MTUS2: variants seen among roughly 807,000 people sequenced by gnomAD.
MTUS2 encodes microtubule associated scaffold protein 2.
In MTUS2, 40 loss-of-function variants were observed where a neutral mutation model predicts 114.1. The ratio of observed to expected loss-of-function variants is 0.35; its 90% CI spans 0.27 to 0.46. The LOEUF is 0.46. MTUS2 is among the 20% of genes least tolerant of loss of function. MTUS2 has a pLI of 1.00. For missense variants in MTUS2, 1,679 were observed against 1,705.4 expected (o/e 0.98, Z 0.27); for synonymous variants, 688 against 672.0 (o/e 1.02, Z -0.37).
chr13:29,178,058 G>A (rs1251720120), intron 5 of MTUS2, among the ~76,000 whole-genome samples: 1 of 152,160 alleles, frequency 6.6e-6, no homozygotes, highest in Admixed American at 6.5e-5. Context: ...CAGTGCCCCG[G>A]TGGTTGGCTG....
intron 8 of MTUS2, among the ~76,000 whole-genome samples, chr13:29,419,360 G>A (rs147691470): frequency 8.1e-4 from 123 of 152,284 alleles, no homozygotes; most frequent in African/African-American, 2.9e-3. Flanking sequence ...AATCCCCTCA[G>A]AACAGAGGTG....
intron 5 of MTUS2, chr13:29,239,963 A>G (rs562323798): frequency 2.2e-5 from 3 of 137,716 alleles, no homozygotes; most frequent in East Asian, 2.6e-4. Flanking sequence ...GAAAATCTGG[A>G]AAAAAAACAA....
chr13:28,919,128 A>G (rs1349814598), intron 2 of MTUS2, among the ~76,000 whole-genome samples: 1 of 152,106 alleles, frequency 6.6e-6, no homozygotes, highest in African/African-American at 2.4e-5. Context: ...GAGTGTTAAA[A>G]TATTCTATGT....
chr13:29,065,912 A>ACC (rs368476054), intron 4 of MTUS2, among the ~76,000 whole-genome samples: 3 of 146,566 alleles, frequency 2.0e-5, no homozygotes, highest in Admixed American at 6.8e-5. Flanking sequence ...ACAAATTCAA[A>ACC]CCCCCCCCCA....
rs1436724251 is a variant in MTUS2 at position 29,498,522 on chromosome 13, T to C, written c.3783T>C (p.Leu1261=). 6.2e-7 allele frequency: 1 copy of C among 1,613,820 alleles called. No homozygotes were observed. The highest frequency in any genetic ancestry group is 1.3e-5 in the African/African-American group (1 of 74,918). Residue 1261 remains leucine, a synonymous_variant, in exon 14 of 16, where the codon CTT becomes CTC. Coordinates refer to ENST00000612955, the MANE Select transcript of MTUS2 (RefSeq NM_001033602.4). ...TACACGAGCAAGAAAAGAAGATTCT[T>C]GAGCTGGAAAAGCTGGTGAGTTGGT... ...QQIHEQEKKI[L]ELEKLAEKNI... is the part of the protein sequence containing the mutation.
chr13:29,438,436 C>G (rs981997914), intron 8 of MTUS2, among the ~76,000 whole-genome samples: 4 of 152,094 alleles, frequency 2.6e-5, no homozygotes, highest in Non-Finnish European at 5.9e-5. Context: ...CTGGGAAGCC[C>G]AAGATCTAGG....
chr13:29,460,728 A>C (rs1208139780), intron 9 of MTUS2, among the ~76,000 whole-genome samples: 1 of 152,212 alleles, frequency 6.6e-6, no homozygotes. Context: ...GGCCAGATGC[A>C]GACACACAAG....
At chr13:28,974,755 TAAGAGG>T (rs1884012897) in intron 2 of MTUS2, among the ~76,000 whole-genome samples, 1 of 152,162 alleles carries the variant, frequency 6.6e-6, no homozygotes, top group African/African-American at 2.4e-5. Context: ...GGGCTAATAG[TAAGAGG>T]AAATTTCTGC....
chr13:29,160,648 T>C (rs1001503324), intron 5 of MTUS2, among the ~76,000 whole-genome samples: 1 of 152,000 alleles, frequency 6.6e-6, no homozygotes, highest in African/African-American at 2.4e-5. Flanking sequence ...TGGATGCCTG[T>C]AGTCCCAGCT....
chr13:29,039,290 A>C (rs1314262328), intron 4 of MTUS2, among the ~76,000 whole-genome samples: 2 of 152,208 alleles, frequency 1.3e-5, no homozygotes, highest in East Asian at 3.9e-4. Flanking sequence ...TTCCCTTAGA[A>C]ATTCGGCTTC....
chr13:29,238,851 G>A (rs998546656), intron 5 of MTUS2, among the ~76,000 whole-genome samples: 2 of 152,274 alleles, frequency 1.3e-5, no homozygotes, highest in African/African-American at 4.8e-5. Context: ...AAATAAGCCA[G>A]ACACATGTGA....
At chr13:29,208,613 G>A (rs1053850750) in intron 5 of MTUS2, among the ~76,000 whole-genome samples, 3 of 151,950 alleles carry the variant, frequency 2.0e-5, no homozygotes, top group Admixed American at 6.6e-5. Context: ...TATCCGAAAG[G>A]TTTTAATAGG....
At chr13:29,230,447 C>G (rs1191413437) in intron 5 of MTUS2, among the ~76,000 whole-genome samples, 9 of 152,222 alleles carry the variant, frequency 5.9e-5, no homozygotes, top group Admixed American at 4.6e-4. Context: ...GGAGAAAAAT[C>G]AGCAGCGAAG....
chr13:28,919,201 G>A (rs997496737), intron 2 of MTUS2, among the ~76,000 whole-genome samples: 7 of 152,086 alleles, frequency 4.6e-5, no homozygotes, highest in African/African-American at 1.7e-4. Context: ...GCTCATTAAT[G>A]TCTTTTTCTT....
At chr13:28,918,841 T>C (rs1880889311) in intron 2 of MTUS2, among the ~76,000 whole-genome samples, 1 of 152,042 alleles carries the variant, frequency 6.6e-6, no homozygotes, top group Admixed American at 6.6e-5. Context: ...GTATATGTTA[T>C]TTTCTGATTT....
chr13:29,095,432 T>C (rs1443255150), intron 4 of MTUS2, among the ~76,000 whole-genome samples: 1 of 152,182 alleles, frequency 6.6e-6, no homozygotes, highest in African/African-American at 2.4e-5. Context: ...CAGTTGTTTT[T>C]CTCTTTACCT....
intron 9 of MTUS2, among the ~76,000 whole-genome samples, chr13:29,465,206 C>T (rs1482043599): frequency 2.0e-5 from 3 of 152,196 alleles, no homozygotes; most frequent in Admixed American, 6.5e-5. Context: ...TATTGAATTA[C>T]TAGTAGAGGC....
intron 5 of MTUS2, among the ~76,000 whole-genome samples, chr13:29,158,276 G>T (rs1414290314): frequency 6.8e-6 from 1 of 147,702 alleles, no homozygotes; most frequent in African/African-American, 2.5e-5. Context: ...TGACTTTCAT[G>T]TACTTTCGTA....
At chr13:29,190,738 T>G (rs1407603302) in intron 5 of MTUS2, among the ~76,000 whole-genome samples, 2 of 152,228 alleles carry the variant, frequency 1.3e-5, no homozygotes, top group Admixed American at 6.5e-5. Context: ...TATATATAAC[T>G]TAGTCTCTTT....
Sources: allele counts gnomAD v4.1 joint callset (sites outside exome capture counted in the v4.1 genomes callset), GRCh38; gene constraint gnomAD v4.1.1; transcripts MANE v1.5; gene names NCBI Gene and HGNC (gene_info 2026-07-23, HGNC 2026-07-21).